The following CARMIL1 variants were observed in gnomAD, a reference collection of about 807,000 sequenced individuals.
CARMIL1 encodes capping protein regulator and myosin 1 linker 1.
In CARMIL1, 90 loss-of-function variants were observed where a neutral mutation model predicts 177.1. The observed-to-expected ratio is 0.51, with a 90% confidence interval of 0.43 to 0.61. CARMIL1 has a LOEUF of 0.61. Ranked by LOEUF, CARMIL1 falls within the 20% of genes least tolerant of loss-of-function variation. CARMIL1 has a pLI of 0.00. For missense variants in CARMIL1, 1,380 were observed against 1,667.0 expected (o/e 0.83, Z 3.00); for synonymous variants, 577 against 606.2 (o/e 0.95, Z 0.71).
intron 8 of CARMIL1, among the ~76,000 whole-genome samples, chr6:25,463,891 C>T (rs1189919635): frequency 7.5e-6 from 1 of 133,264 alleles, no homozygotes; most frequent in African/African-American, 2.8e-5. Flanking sequence ...GGCCTGATCT[C>T]GGCTCACTGC....
chr6:25,280,101 G>A (rs893019874), intron 1 of CARMIL1, among the ~76,000 whole-genome samples: 2 of 152,176 alleles, frequency 1.3e-5, no homozygotes, highest in African/African-American at 4.8e-5. Context: ...GTGAGCCCTG[G>A]GCACCTCCTC....
Position 25,515,810 on chromosome 6 carries a change from A to G in CARMIL1, c.1768A>G (p.Met590Val). 1 of 1,610,752 alleles carries G rather than the reference A, an allele frequency of 6.2e-7. No individual in the cohort carries two copies. The highest frequency in any genetic ancestry group is 8.5e-7 in the Non-Finnish European group (1 of 1,178,652). ...GNGMGDMGAKMLAKALQINTK... is the reference protein window; with the variant it reads ...GNGMGDMGAKVLAKALQINTK... ...CGGAATGGGGGACATGGGAGCGAAGATGCTGGCCAAAGCACTGCAGATCAA... is the reference window on the plus strand; with the variant it reads ...CGGAATGGGGGACATGGGAGCGAAGGTGCTGGCCAAAGCACTGCAGATCAA... The change falls in exon 21 of 37, where the codon ATG becomes GTG. Residue 590 changes from methionine (M) to valine (V), a missense_variant. Physicochemically the swap from Met to Val is conservative, Grantham distance 21 (BLOSUM62 1). Transcript: ENST00000329474. The surrounding 1 kb of genome is among the most constrained non-coding windows in gnomAD (Gnocchi z 5.0).
At chr6:25,371,409 A>C (rs574701592) in intron 2 of CARMIL1, among the ~76,000 whole-genome samples, 1 of 152,290 alleles carries the variant, frequency 6.6e-6, no homozygotes, top group Non-Finnish European at 1.5e-5. Context: ...TACCACATCC[A>C]TGCCAACATC....
intron 2 of CARMIL1, among the ~76,000 whole-genome samples, chr6:25,289,009 A>G (rs1781739592): frequency 6.6e-6 from 1 of 152,160 alleles, no homozygotes; most frequent in African/African-American, 2.4e-5. Flanking sequence ...GTTTTTTCCA[A>G]ACTTATTTAG....
intron 8 of CARMIL1, 75 bp downstream of exon 8, chr6:25,450,786 TTCC>T (rs1798744677): frequency 4.4e-3 from 53 of 11,980 alleles, no homozygotes; most frequent in South Asian, 0.014. Context: ...CCTCCCTCCC[TTCC>T]TCCCTCCCTT....
At chr6:25,401,304 T>A (rs1034235357) in intron 2 of CARMIL1, among the ~76,000 whole-genome samples, 5 of 152,080 alleles carry the variant, frequency 3.3e-5, no homozygotes, top group African/African-American at 1.2e-4. Flanking sequence ...AAAATGTATA[T>A]GTATATATAC....
chr6:25,594,390 A>G (rs369264405), intron 31 of CARMIL1, 25 bp from the exon 32 acceptor site: 19 of 1,419,510 alleles, frequency 1.3e-5, no homozygotes, highest in Middle Eastern at 1.8e-4. Context: ...CATGTGAATT[A>G]ACATTACATC....
Position 25,279,575 on chromosome 6 carries a change from TAGC to T in CARMIL1, c.-210_-208del, listed in dbSNP as rs1554148008. ...CCGGGAACTGCGAGGAGGCGTCATG[TAGC>T]AGCAGCAGCAAATCCGCCTCGCATT... On this transcript the variant is annotated 5_prime_UTR_variant, in exon 1 of 37. Transcript: ENST00000329474. 3.4e-6 allele frequency: 2 copies of T among 594,150 alleles called. No homozygotes were observed. Among genetic ancestry groups the T allele is most frequent in the Admixed American group, 2.9e-5 (1 of 35,078 alleles). 36.8% of individuals were successfully genotyped at this position (594,150 alleles called of 1,614,324 possible). A position where few individuals can be genotyped will look rare whatever the true frequency, so the allele number is the denominator to read the frequency against.
chr6:25,343,637 C>T (rs1281764270), intron 2 of CARMIL1, among the ~76,000 whole-genome samples: 1 of 152,196 alleles, frequency 6.6e-6, no homozygotes, highest in Non-Finnish European at 1.5e-5. Context: ...CTCTTTACTT[C>T]AGCTTTTCCA....
intron 2 of CARMIL1, among the ~76,000 whole-genome samples, chr6:25,372,691 A>G (rs918436478): frequency 1.3e-5 from 2 of 152,196 alleles, no homozygotes; most frequent in African/African-American, 4.8e-5. Context: ...ACTGGCAAAC[A>G]GAGATAGTGT....
rs971829052 is a variant in CARMIL1 at position 25,590,551 on chromosome 6, A to G, written c.3007-3864A>G. Among the ~76,000 whole-genome samples the G allele has an allele frequency of 2.0e-5, 3 of 152,126 alleles. No homozygotes were observed. In the East Asian group the frequency reaches 5.8e-4, roughly 29 times the overall value. On this transcript the variant is annotated intron_variant, in intron 31 of 36. Coordinates refer to ENST00000329474, the MANE Select transcript of CARMIL1 (RefSeq NM_017640.6). Reference sequence around the variant, plus strand: ...TATTCTCTGGAACAGTTTACATATAATAGAGATTGTCTCTTCCTCTCCTGG... The same window carrying G: ...TATTCTCTGGAACAGTTTACATATAGTAGAGATTGTCTCTTCCTCTCCTGG...
At chr6:25,334,495 T>C (rs1015189868) in intron 2 of CARMIL1, among the ~76,000 whole-genome samples, 3 of 152,226 alleles carry the variant, frequency 2.0e-5, no homozygotes, top group Admixed American at 6.5e-5. Context: ...TTTGCAGTTA[T>C]CAGCTTAACT....
At chr6:25,360,217 T>A (rs1479118095) in intron 2 of CARMIL1, among the ~76,000 whole-genome samples, 1 of 152,214 alleles carries the variant, frequency 6.6e-6, no homozygotes, top group Non-Finnish European at 1.5e-5. Context: ...ATACTTAGGC[T>A]TCTCCCTCCT....
intron 2 of CARMIL1, among the ~76,000 whole-genome samples, chr6:25,315,500 AGCAGGGCACTG>A (rs1441302372): frequency 1.3e-5 from 2 of 152,200 alleles, no homozygotes; most frequent in African/African-American, 4.8e-5. Context: ...CTGGGGCCCG[AGCAGGGCACTG>A]GCTCTCCACA....
intron 8 of CARMIL1, among the ~76,000 whole-genome samples, chr6:25,463,553 G>A (rs1800303853): frequency 6.6e-6 from 1 of 152,182 alleles, no homozygotes; most frequent in Admixed American, 6.5e-5. Context: ...AAGTGGTTCT[G>A]AAGTGTGGTC....
intron 2 of CARMIL1, among the ~76,000 whole-genome samples, chr6:25,308,650 G>A (rs1197252585): frequency 6.6e-6 from 1 of 151,456 alleles, no homozygotes; most frequent in Non-Finnish European, 1.5e-5. Flanking sequence ...CAAAGTGCTG[G>A]GATTACAGGC....
intron 31 of CARMIL1, among the ~76,000 whole-genome samples, chr6:25,587,032 G>A (rs1813816519): frequency 1.4e-5 from 2 of 142,902 alleles, no homozygotes; most frequent in South Asian, 2.4e-4. Context: ...GAGGGAGACT[G>A]GGGAAAGGGA....
At chr6:25,350,071 C>T (rs988218117) in intron 2 of CARMIL1, among the ~76,000 whole-genome samples, 4 of 152,116 alleles carry the variant, frequency 2.6e-5, no homozygotes, top group African/African-American at 9.7e-5. Flanking sequence ...CTCGGGGGAC[C>T]AGCACAGTGG....
In CARMIL1 at chr6:25,604,873, G is replaced by T. The variant is rs748948829; in HGVS notation, c.3614G>T (p.Arg1205Leu). 6.3e-7 allele frequency: 1 copy of T among 1,595,924 alleles called. No homozygotes were observed. Among genetic ancestry groups the T allele is most frequent in the Non-Finnish European group, 8.5e-7 (1 of 1,171,610 alleles). ...AGCCCAGCTTTGAGCGGCGTAGAAC[G>T]GTCGGATGGAGGTGGGGCAGGTAAG... Reference protein sequence around the residue: ...SSSPALSGVERSDGGGAVPKL... With the variant: ...SSSPALSGVELSDGGGAVPKL... Residue 1205 changes from arginine to leucine, a missense_variant, in exon 34 of 37, where the codon CGG becomes CTG. Arg to Leu is a moderately radical substitution (Grantham distance 102). Coordinates refer to ENST00000329474, the MANE Select transcript of CARMIL1 (RefSeq NM_017640.6).
Sources: allele counts gnomAD v4.1 joint callset (sites outside exome capture counted in the v4.1 genomes callset), GRCh38; gene constraint gnomAD v4.1.1; non-coding constraint Gnocchi (gnomAD v3.1); transcripts MANE v1.5; gene names NCBI Gene and HGNC (gene_info 2026-07-23, HGNC 2026-07-21).